The following ZNF521 variants were observed in gnomAD, a reference collection of about 807,000 sequenced individuals.
The protein encoded by ZNF521 is zinc finger protein 521, also known as LYST-interacting protein 3.
A neutral mutation model predicts 105.5 loss-of-function variants in ZNF521; 14 were observed. That is an observed-to-expected ratio of 0.13 (90% CI 0.09 to 0.21). The LOEUF (loss-of-function observed/expected upper bound fraction) is 0.21. Ranked by LOEUF, ZNF521 falls within the 10% of genes least tolerant of loss-of-function variation. ZNF521 has a pLI of 1.00. For synonymous variants in ZNF521, 635 were observed against 606.0 expected (o/e 1.05, Z -0.70); for missense variants, 1,233 against 1,629.7 (o/e 0.76, Z 4.19).
At chr18:25,277,039 C>T (rs559161529) in intron 3 of ZNF521, among the ~76,000 whole-genome samples, 9 of 152,062 alleles carry the variant, frequency 5.9e-5, no homozygotes, top group South Asian at 2.1e-4. Flanking sequence ...AAAAATTAGC[C>T]GAGTGTGGTG....
At chr18:25,234,455 A>T (rs1906741303) in intron 3 of ZNF521, among the ~76,000 whole-genome samples, 1 of 152,192 alleles carries the variant, frequency 6.6e-6, no homozygotes, top group African/African-American at 2.4e-5. Context: ...CCATTGATTT[A>T]ATCAACTTTT....
rs79278928 is a variant in ZNF521, at chr18:25,330,928, C to T, written c.41-8741G>A. Among the ~76,000 whole-genome samples, 1,333 of 152,222 alleles carry T rather than the reference C, an allele frequency of 8.8e-3. 14 individuals are homozygous for T. The highest frequency in any genetic ancestry group is 0.031 in the African/African-American group (1,274 of 41,530). On this transcript the variant is annotated intron_variant, in intron 2 of 7. Coordinates refer to ENST00000361524, the MANE Select transcript of ZNF521 (RefSeq NM_015461.3). The stretch of plus-strand genomic sequence containing the variant: ...GGGTACACAAACTCAAAATCACCTA[C>T]GCTAATAAAGAAAGAAAAAAGTACC...
chr18:25,241,482 T>G (rs1426749020), intron 3 of ZNF521, among the ~76,000 whole-genome samples: 2 of 152,048 alleles, frequency 1.3e-5, no homozygotes, highest in Non-Finnish European at 2.9e-5. Context: ...AATGCAAACA[T>G]GCTCGCTGAT....
In ZNF521 at chr18:25,225,167, G is replaced by A; in HGVS notation, c.2751C>T (p.Ala917=). The change falls in exon 4 of 8, where the codon GCC becomes GCT. Residue 917 remains alanine, a synonymous_variant. Coordinates refer to ENST00000361524, the MANE Select transcript of ZNF521 (RefSeq NM_015461.3). This position sits in a 1 kb window ranked among gnomAD's most constrained non-coding sequence, Gnocchi z 5.6. ...RDHNIRPGES[A]IVKKKAELIK... The stretch of plus-strand genomic sequence containing the variant: ...TGAGCTCAGCTTTCTTTTTCACGAT[G>A]GCACTTTCTCCAGGTCTGATGTTGT... 2.5e-6 allele frequency: 4 copies of A among 1,614,062 alleles called. No homozygotes were observed. The highest frequency in any genetic ancestry group is 2.2e-5 in the South Asian group (2 of 91,068).
At chr18:25,248,939 A>C (rs1046053598) in intron 3 of ZNF521, among the ~76,000 whole-genome samples, 1 of 152,206 alleles carries the variant, frequency 6.6e-6, no homozygotes, top group African/African-American at 2.4e-5. Flanking sequence ...ATTCTTATTC[A>C]TTCACATATT....
chr18:25,230,038 A>G (rs917437330), intron 3 of ZNF521, among the ~76,000 whole-genome samples: 2 of 152,326 alleles, frequency 1.3e-5, no homozygotes, highest in African/African-American at 2.4e-5. Context: ...TATCTATTAT[A>G]TAACTGTTCT....
chr18:25,104,754 A>G (rs1045914001), intron 5 of ZNF521, among the ~76,000 whole-genome samples: 2 of 152,216 alleles, frequency 1.3e-5, no homozygotes, highest in African/African-American at 2.4e-5. Flanking sequence ...AAAAGTTCTC[A>G]TCTCAGAATA....
chr18:25,257,944 T>A (rs78926440), intron 3 of ZNF521, among the ~76,000 whole-genome samples: 1 of 152,138 alleles, frequency 6.6e-6, no homozygotes, highest in African/African-American at 2.4e-5. Flanking sequence ...CAGACACACA[T>A]GCACATGTGT....
At chr18:25,270,626 G>A (rs531481340) in intron 3 of ZNF521, among the ~76,000 whole-genome samples, 12 of 152,112 alleles carry the variant, frequency 7.9e-5, no homozygotes, top group South Asian at 2.1e-4. Flanking sequence ...TTCAATATAC[G>A]CAAATCAATA....
chr18:25,204,264 A>G (rs2036041561), intron 4 of ZNF521, among the ~76,000 whole-genome samples: 1 of 152,226 alleles, frequency 6.6e-6, no homozygotes, highest in Non-Finnish European at 1.5e-5. Context: ...TTAAGCTACT[A>G]CTACATTTAT....
intron 3 of ZNF521, among the ~76,000 whole-genome samples, chr18:25,306,636 T>C (rs1911994654): frequency 6.6e-6 from 1 of 152,148 alleles, no homozygotes; most frequent in Non-Finnish European, 1.5e-5. Context: ...GTCCTGCCTT[T>C]ACAGATAAGA....
intron 2 of ZNF521, among the ~76,000 whole-genome samples, chr18:25,349,736 CGG>C (rs1914632038): frequency 6.6e-6 from 1 of 151,202 alleles, no homozygotes; most frequent in Non-Finnish European, 1.5e-5. Flanking sequence ...GCTGCGCCGC[CGG>C]GGACCAGAGG....
chr18:25,080,482 CA>C (rs2033470043), intron 7 of ZNF521, among the ~76,000 whole-genome samples: 1 of 152,148 alleles, frequency 6.6e-6, no homozygotes, highest in Non-Finnish European at 1.5e-5. Context: ...GCAAATATAA[CA>C]ATAAAGGATA....
At chr18:25,280,476 TTC>T (rs1910296179) in intron 3 of ZNF521, among the ~76,000 whole-genome samples, 1 of 152,106 alleles carries the variant, frequency 6.6e-6, no homozygotes, top group South Asian at 2.1e-4. Flanking sequence ...TCTCCTCCTT[TTC>T]TCTGTTTCAG....
chr18:25,296,531 T>C (rs1352099678), intron 3 of ZNF521, among the ~76,000 whole-genome samples: 4 of 152,150 alleles, frequency 2.6e-5, no homozygotes, highest in East Asian at 1.9e-4. Context: ...CCTGTGGAAA[T>C]TGGAGGGTGC....
chr18:25,332,572 G>T (rs1029166235), intron 2 of ZNF521, among the ~76,000 whole-genome samples: 8 of 152,050 alleles, frequency 5.3e-5, no homozygotes, highest in Non-Finnish European at 1.2e-4. Flanking sequence ...GATCATTATT[G>T]ATTTAGTTCC....
At position 25,227,120 on chromosome 18, in the gene ZNF521, T is replaced by C. The variant is rs1034693785; in HGVS notation, c.798A>G (p.Ala266=). 67 of 1,614,044 alleles carry C rather than the reference T, an allele frequency of 4.2e-5. No homozygotes were observed. Among genetic ancestry groups the C allele is most frequent in the Non-Finnish European group, 5.7e-5 (67 of 1,180,020 alleles). The change falls in exon 4 of 8, where the codon GCA becomes GCG. Residue 266 remains alanine (A), a synonymous_variant. Transcript: ENST00000361524. The surrounding 1 kb of genome is among the most constrained non-coding windows in gnomAD (Gnocchi z 5.7). ...TTGGGGAGCATTCGGGGTGGCACTCTGCAATGTGTTTTTGGAGGTCTTCCG... is the reference window on the plus strand; with the variant it reads ...TTGGGGAGCATTCGGGGTGGCACTCCGCAATGTGTTTTTGGAGGTCTTCCG... ...DFPEDLQKHI[A]ECHPECSPNE... is the part of the protein sequence containing the mutation.
At chr18:25,153,798 TCTC>T (rs1035063312) in intron 5 of ZNF521, among the ~76,000 whole-genome samples, 2 of 152,086 alleles carry the variant, frequency 1.3e-5, no homozygotes, top group Non-Finnish European at 2.9e-5. Context: ...CCATTCCTCT[TCTC>T]CTCCTTCTCC....
chr18:25,228,684 C>CA (rs1242701222), intron 3 of ZNF521, among the ~76,000 whole-genome samples: 1 of 152,076 alleles, frequency 6.6e-6, no homozygotes, highest in Non-Finnish European at 1.5e-5. Flanking sequence ...TTATGAGTGA[C>CA]AAAAAGAAGA....
Sources: gnomAD v4.1 joint callset for allele counts (sites outside exome capture counted in the v4.1 genomes callset) on GRCh38, gnomAD v4.1.1 for gene constraint, Gnocchi (gnomAD v3.1) non-coding constraint, MANE v1.5 for transcripts, NCBI Gene and HGNC (gene_info 2026-07-23, HGNC 2026-07-21) for gene names.